Variants in ARHGEF10L observed in about 807,000 individuals in gnomAD.
The protein encoded by ARHGEF10L is Rho guanine nucleotide exchange factor 10 like.
In ARHGEF10L, 69 loss-of-function variants were observed where a neutral mutation model predicts 141.2. The observed-to-expected ratio is 0.49, with a 90% CI of 0.40 to 0.60. The LOEUF (loss-of-function observed/expected upper bound fraction) is 0.60, where lower values mean the gene tolerates loss of function less well. ARHGEF10L is among the 20% of genes least tolerant of loss of function. The pLI, the probability that ARHGEF10L is intolerant of heterozygous loss-of-function variation, is 0.00. For synonymous variants in ARHGEF10L, 711 were observed against 718.5 expected, an observed-to-expected ratio of 0.99 and a Z score of 0.17; for missense variants, 1,482 against 1,734.3, an observed-to-expected ratio of 0.85 and a Z score of 2.58.
chr1:17,600,690 T>C (rs1039947166), intron 4 of ARHGEF10L, among the ~76,000 whole-genome samples: 1 of 152,188 alleles, frequency 6.6e-6, no homozygotes, highest in Non-Finnish European at 1.5e-5. Context: ...CTGTCATGTC[T>C]CTGTAGCCTG....
At chr1:17,515,308 G>C in the ARHGEF10L span, among the ~76,000 whole-genome samples, 1 of 79,486 alleles carries the variant, frequency 1.3e-5, no homozygotes, top group African/African-American at 4.6e-5. Context: ...TTTTTTTTTT[G>C]TTTGAGACAG....
In ARHGEF10L at chr1:17,644,276, G is replaced by A. The variant is rs2061473531; in HGVS notation, c.2272+3974G>A. Reference sequence around the variant, plus strand: ...CTGACGCCAATATTCCTTCCGGGATGACTCCAGCTGTTGGGTCCTGAGCAC... The same window carrying A: ...CTGACGCCAATATTCCTTCCGGGATAACTCCAGCTGTTGGGTCCTGAGCAC... On this transcript the variant is annotated intron_variant, in intron 21 of 28. Coordinates refer to ENST00000361221, the MANE Select transcript of ARHGEF10L (RefSeq NM_018125.4). This position sits in a 1 kb window ranked among gnomAD's most constrained non-coding sequence, Gnocchi z 4.5. 6.6e-6 allele frequency among the ~76,000 whole-genome samples: 1 copy of A among 152,208 alleles called. No homozygotes were observed. The highest frequency in any genetic ancestry group is 1.5e-5 in the Non-Finnish European group (1 of 68,040).
At chr1:17,682,192 A>G (rs1312942065) in intron 26 of ARHGEF10L, among the ~76,000 whole-genome samples, 2 of 152,120 alleles carry the variant, frequency 1.3e-5, no homozygotes, top group African/African-American at 4.8e-5. Flanking sequence ...GGCTAGAGTC[A>G]CTGCCTTCAG....
chr1:17,614,296 C>T (rs572805639), intron 8 of ARHGEF10L, among the ~76,000 whole-genome samples: 1 of 152,344 alleles, frequency 6.6e-6, no homozygotes, highest in East Asian at 1.9e-4. Flanking sequence ...CGGGGCTAAC[C>T]TCTCAGGAAG....
chr1:17,593,996 G>A (rs563916306), intron 4 of ARHGEF10L, among the ~76,000 whole-genome samples: 19 of 150,032 alleles, frequency 1.3e-4, no homozygotes, highest in Admixed American at 2.0e-4. Context: ...CTGACTGGCC[G>A]GTATTCCCCT....
intron 1 of ARHGEF10L, among the ~76,000 whole-genome samples, chr1:17,556,453 C>T (rs1047818507): frequency 6.6e-6 from 1 of 152,148 alleles, no homozygotes; most frequent in African/African-American, 2.4e-5. Flanking sequence ...TGTTGATTGC[C>T]TTCAGGGCTG....
intron 26 of ARHGEF10L, among the ~76,000 whole-genome samples, chr1:17,684,467 A>C (rs1393535316): frequency 1.3e-5 from 2 of 152,122 alleles, no homozygotes; most frequent in Admixed American, 6.5e-5. Context: ...GCCTCCTCCC[A>C]AAAATCAGAG....
At chr1:17,531,847 G>A in the ARHGEF10L span, among the ~76,000 whole-genome samples, 4 of 152,310 alleles carry the variant, frequency 2.6e-5, no homozygotes, top group Non-Finnish European at 4.4e-5. Context: ...CTTAGAAAGC[G>A]TCTTTCATCT....
upstream of ARHGEF10L, among the ~76,000 whole-genome samples, chr1:17,535,259 C>A (rs950055574): frequency 1.1e-4 from 17 of 152,144 alleles, no homozygotes; most frequent in African/African-American, 4.1e-4. Context: ...CTCTGAGAAT[C>A]TAATGCCACC....
intron 6 of ARHGEF10L, chr1:17,604,655 C>T (rs557904180): frequency 1.3e-5 from 2 of 152,404 alleles, no homozygotes; most frequent in South Asian, 2.1e-4. Context: ...ACGGGGACAC[C>T]TGGGCCAAGG....
the ARHGEF10L span, among the ~76,000 whole-genome samples, chr1:17,521,184 C>CTGTTT: frequency 1.2e-3 from 181 of 152,210 alleles, 1 homozygote; most frequent in African/African-American, 3.6e-3. Context: ...GGAGAGCTCA[C>CTGTTT]TGTTTTGTTT....
chr1:17,690,192 C>T (rs13375960), intron 27 of ARHGEF10L, among the ~76,000 whole-genome samples: 22,584 of 152,098 alleles, frequency 0.15, 1,784 homozygotes, highest in Non-Finnish European at 0.16. Flanking sequence ...CCTCAGTTTC[C>T]CCATTCATAT....
At chr1:17,516,348 C>T in the ARHGEF10L span, among the ~76,000 whole-genome samples, 912 of 152,344 alleles carry the variant, frequency 6.0e-3, 6 homozygotes, top group Non-Finnish European at 8.4e-3. Flanking sequence ...TTGCAGGGCC[C>T]GCTGGGGGTG....
At chr1:17,657,208 C>G (rs1202574592) in intron 25 of ARHGEF10L, among the ~76,000 whole-genome samples, 1 of 152,158 alleles carries the variant, frequency 6.6e-6, no homozygotes, top group Non-Finnish European at 1.5e-5. Flanking sequence ...ATCCCTAGCA[C>G]AGGTTACGAT....
chr1:17,532,895 C>A, the ARHGEF10L span, among the ~76,000 whole-genome samples: 1 of 152,088 alleles, frequency 6.6e-6, no homozygotes, highest in African/African-American at 2.4e-5. Flanking sequence ...GCACCCACCA[C>A]CCCCTCTTGA....
the ARHGEF10L span, among the ~76,000 whole-genome samples, chr1:17,516,104 C>T: frequency 1.3e-5 from 2 of 152,234 alleles, no homozygotes; most frequent in African/African-American, 4.8e-5. Flanking sequence ...CTGCTGCTGG[C>T]AAGGGCTGCT....
chr1:17,561,719 C>T (rs1340740186), intron 1 of ARHGEF10L, among the ~76,000 whole-genome samples: 1 of 152,236 alleles, frequency 6.6e-6, no homozygotes, highest in Non-Finnish European at 1.5e-5. Context: ...TTCTGGGGCA[C>T]ATGACTCACA....
At chr1:17,542,057 T>G (rs1261054336) in intron 1 of ARHGEF10L, among the ~76,000 whole-genome samples, 1 of 152,112 alleles carries the variant, frequency 6.6e-6, no homozygotes, top group East Asian at 1.9e-4. Flanking sequence ...GAGGGTCGCT[T>G]GAACCCGGGA....
chr1:17,670,298 G>A (rs1263667673), intron 26 of ARHGEF10L, among the ~76,000 whole-genome samples: 4 of 152,226 alleles, frequency 2.6e-5, no homozygotes, highest in African/African-American at 7.2e-5. Flanking sequence ...TGGGTTTTAC[G>A]CTTGCCCACC....
Sources: gnomAD v4.1 joint callset for allele counts (sites outside exome capture counted in the v4.1 genomes callset) on GRCh38, gnomAD v4.1.1 for gene constraint, Gnocchi (gnomAD v3.1) non-coding constraint, MANE v1.5 for transcripts, NCBI Gene and HGNC (gene_info 2026-07-23, HGNC 2026-07-21) for gene names.